The following MAP2 variants were observed in gnomAD, a reference collection of about 807,000 sequenced individuals.
MAP2 encodes the protein microtubule associated protein 2, also known as microtubule-associated protein 2.
In MAP2, 14 loss-of-function variants were observed where a neutral mutation model predicts 137.6. The ratio of observed to expected loss-of-function variants is 0.10; its 90% CI spans 0.07 to 0.16. The LOEUF (loss-of-function observed/expected upper bound fraction) is 0.16. Ranked by LOEUF, MAP2 falls within the 10% of genes least tolerant of loss-of-function variation. The probability of loss-of-function intolerance (pLI) is 1.00; values close to 1 mark genes in which losing one functional copy is unlikely to be tolerated. For synonymous variants in MAP2, 786 were observed against 782.3 expected (o/e 1.00, Z -0.08); for missense variants, 2,088 against 2,191.5 (o/e 0.95, Z 0.94).
chr2:209,537,616 C>T (rs114657660), intron 2 of MAP2, among the ~76,000 whole-genome samples: 75 of 152,240 alleles, frequency 4.9e-4, no homozygotes, highest in Admixed American at 2.0e-3. Flanking sequence ...GTATTACAGC[C>T]TTCATCATCA....
chr2:209,441,997 C>T (rs1697901233), intron 1 of MAP2, among the ~76,000 whole-genome samples: 1 of 151,508 alleles, frequency 6.6e-6, no homozygotes, highest in Non-Finnish European at 1.5e-5. Flanking sequence ...AAAGATTATA[C>T]ATGTTTCCTC....
chr2:209,466,060 A>G (rs1704055485), intron 1 of MAP2, among the ~76,000 whole-genome samples: 1 of 152,200 alleles, frequency 6.6e-6, no homozygotes, highest in Non-Finnish European at 1.5e-5. Flanking sequence ...AAGTATGATC[A>G]AACATTGAGC....
In MAP2 at chr2:209,666,549, G is replaced by T. The variant is rs183018229; in HGVS notation, c.263-12023G>T. 5.3e-5 allele frequency among the ~76,000 whole-genome samples: 8 copies of T among 152,126 alleles called. No individual in the cohort carries two copies. The East Asian group carries it at 1.5e-3, about 29-fold the overall frequency. On this transcript the variant is annotated intron_variant, in intron 5 of 15. Coordinates refer to ENST00000682079, the MANE Select transcript of MAP2 (RefSeq NM_001375505.1). The stretch of plus-strand genomic sequence containing the variant: ...GCCATCCTGAAGAAAAATGTGTTAT[G>T]AAATGCTCTGCAGACCACATTTATC...
At chr2:209,578,491 C>A (rs2075708702) in intron 2 of MAP2, among the ~76,000 whole-genome samples, 1 of 151,250 alleles carries the variant, frequency 6.6e-6, no homozygotes, top group Non-Finnish European at 1.5e-5. Flanking sequence ...TCTTCTCTGC[C>A]ATCATATTTT....
rs376544152 is a variant in MAP2 at position 209,693,334 on chromosome 2, G to A, written c.1164G>A (p.Met388Ile). Residue 388 changes from methionine to isoleucine, a missense_variant, in exon 8 of 16, where the codon ATG becomes ATA. This residue lies in a region of MAP2 where 859 missense variants were observed against 794.5 expected (regional missense o/e 1.08). Coordinates refer to ENST00000682079, the MANE Select transcript of MAP2 (RefSeq NM_001375505.1). ...CAGAAGCACCACCCTCAGAGGCAATGACCTTACCCAAAGATGCTCACATTC... is the reference window on the plus strand; with the variant it reads ...CAGAAGCACCACCCTCAGAGGCAATAACCTTACCCAAAGATGCTCACATTC... Reference protein sequence around the residue: ...KMAEAPPSEAMTLPKDAHIPV... With the variant: ...KMAEAPPSEAITLPKDAHIPV... 1 of 1,613,146 alleles carries A rather than the reference G, an allele frequency of 6.2e-7. No homozygotes were observed. Among genetic ancestry groups the A allele is most frequent in the African/African-American group, 1.3e-5 (1 of 74,806 alleles).
intron 1 of MAP2, among the ~76,000 whole-genome samples, chr2:209,490,162 C>T (rs928773895): frequency 6.6e-6 from 1 of 152,158 alleles, no homozygotes; most frequent in African/African-American, 2.4e-5. Flanking sequence ...CCCAGAATTT[C>T]ATAGCCAGCC....
chr2:209,677,423 C>CAG (rs1254507169), intron 5 of MAP2, among the ~76,000 whole-genome samples: 2 of 151,684 alleles, frequency 1.3e-5, no homozygotes, highest in South Asian at 4.2e-4. Context: ...GACAGACAGA[C>CAG]AGACAGACAG....
intron 2 of MAP2, among the ~76,000 whole-genome samples, chr2:209,557,986 T>C (rs912401614): frequency 3.3e-5 from 5 of 152,164 alleles, no homozygotes; most frequent in Admixed American, 6.5e-5. Context: ...TCTCCAAACT[T>C]TTAATTTTGA....
chr2:209,722,093 T>G (rs2153805225), intron 13 of MAP2: 1 of 152,348 alleles, frequency 6.6e-6, no homozygotes, highest in South Asian at 2.1e-4. Flanking sequence ...GGTTTAAAAC[T>G]ATCTCCGTCT....
At chr2:209,631,124 A>G (rs1559446887) in intron 4 of MAP2, among the ~76,000 whole-genome samples, 2 of 151,508 alleles carry the variant, frequency 1.3e-5, no homozygotes, top group South Asian at 4.2e-4. Context: ...GAAGCATTTC[A>G]GGTGCAAAGT....
rs188435338 is a variant in MAP2, at chr2:209,465,157, T to A, written c.-222+40881T>A. ...AGATTTAATCCAGTCCCTTTTCTTT[T>A]ATAATTAGATTTTTATGGTTAGGAC... is the stretch of plus-strand genomic sequence containing the variant. On this transcript the variant is annotated intron_variant, in intron 1 of 15. Coordinates refer to ENST00000682079, the MANE Select transcript of MAP2 (RefSeq NM_001375505.1). Among the ~76,000 whole-genome samples, 327 of 152,242 alleles carry A rather than the reference T, an allele frequency of 2.1e-3. 1 individual carries two copies. The highest frequency in any genetic ancestry group is 0.01 in the Middle Eastern group (3 of 294).
At chr2:209,606,823 C>T (rs372781386) in intron 3 of MAP2, among the ~76,000 whole-genome samples, 6 of 152,074 alleles carry the variant, frequency 3.9e-5, no homozygotes, top group South Asian at 2.1e-4. Context: ...GAACAATAAC[C>T]GCAGAAAGTC....
intron 2 of MAP2, among the ~76,000 whole-genome samples, chr2:209,572,100 A>T (rs1322293395): frequency 6.6e-6 from 1 of 152,058 alleles, no homozygotes; most frequent in Non-Finnish European, 1.5e-5. Flanking sequence ...TTTTAAAAAA[A>T]TCATCATACT....
In MAP2 at chr2:209,557,904, A is replaced by T. The variant is rs79162235; in HGVS notation, c.-171-22132A>T. On this transcript the variant is annotated intron_variant, in intron 2 of 15. Coordinates refer to ENST00000682079, the MANE Select transcript of MAP2 (RefSeq NM_001375505.1). ...CTCATCGCAGAGCTGAGCACATTGA[A>T]CTCTAAACAGTTTTATGTGCCTTTC... 4.0e-3 allele frequency among the ~76,000 whole-genome samples: 608 copies of T among 152,126 alleles called. 1 individual carries two copies. The highest frequency in any genetic ancestry group is 0.01 in the Middle Eastern group (3 of 294).
chr2:209,462,393 CAAG>C lies in MAP2; in HGVS notation c.-222+38122_-222+38124del, dbSNP rs1169385656. ...CAGTGACTTTGTCATGGATTTAACACAAGAAGAGTTAATGCCATGGAACTAAAA... is the reference window on the plus strand; with the variant it reads ...CAGTGACTTTGTCATGGATTTAACACAAGAGTTAATGCCATGGAACTAAAA... On this transcript the variant is annotated intron_variant, in intron 1 of 15. Transcript: ENST00000682079. 3.9e-5 allele frequency among the ~76,000 whole-genome samples: 6 copies of C among 152,244 alleles called. No homozygotes were observed. The East Asian group carries it at 7.7e-4, about 20-fold the overall frequency.
chr2:209,671,708 T>C (rs1161257381), intron 5 of MAP2, among the ~76,000 whole-genome samples: 2 of 151,956 alleles, frequency 1.3e-5, no homozygotes, highest in African/African-American at 2.4e-5. Flanking sequence ...TTACAGGCAC[T>C]GTCTCTTACT....
intron 3 of MAP2, among the ~76,000 whole-genome samples, chr2:209,600,682 G>C (rs553376292): frequency 6.6e-6 from 1 of 152,262 alleles, no homozygotes; most frequent in South Asian, 2.1e-4. Context: ...TCCTCAGTCA[G>C]TCCCTATTAA....
rs2074102965 is a variant in MAP2, at chr2:209,726,582, A to ATTTC, written c.5155+792_5155+793insTTTC. On this transcript the variant is annotated intron_variant, in intron 14 of 15. Coordinates refer to ENST00000682079, the MANE Select transcript of MAP2 (RefSeq NM_001375505.1). ...GAGACAGACTCAGCAACATAGGGAA[A>ATTTC]CCCCTGTCTCAATAAAAAATAAAAA... 2.0e-5 allele frequency among the ~76,000 whole-genome samples: 3 copies of ATTTC among 151,998 alleles called. No homozygotes were observed. In the East Asian group the frequency reaches 5.8e-4, roughly 29 times the overall value.
chr2:209,528,050 G>C (rs2064352078), intron 2 of MAP2, among the ~76,000 whole-genome samples: 1 of 152,068 alleles, frequency 6.6e-6, no homozygotes. Context: ...GGGCATGGTA[G>C]GCATAGATTA....
Sources: allele counts gnomAD v4.1 joint callset (sites outside exome capture counted in the v4.1 genomes callset), GRCh38; gene constraint gnomAD v4.1.1; regional missense constraint gnomAD v4.1.1; transcripts MANE v1.5; gene names NCBI Gene and HGNC (gene_info 2026-07-23, HGNC 2026-07-21).